Variants in NOL9 observed in about 807,000 individuals in gnomAD.
The protein encoded by NOL9 is polynucleotide 5'-hydroxyl-kinase NOL9.
Under a neutral mutation model 67.9 loss-of-function variants are expected in NOL9, and 28 were observed. That is an observed-to-expected ratio of 0.41 (90% CI 0.31 to 0.57). The LOEUF (loss-of-function observed/expected upper bound fraction) is 0.57. Ranked by LOEUF, NOL9 falls within the 20% of genes least tolerant of loss-of-function variation. The pLI is 0.25. For missense variants in NOL9, 777 were observed against 897.0 expected (o/e 0.87, Z 1.71); for synonymous variants, 356 against 352.2 (o/e 1.01, Z -0.12).
chr1:6,549,368 G>A, intron 3 of NOL9: 1 of 493,274 alleles, frequency 2.0e-6, no homozygotes, highest in Non-Finnish European at 3.5e-6. Flanking sequence ...TGGTGGCTCA[G>A]GTATGAAACT....
At chr1:6,538,366 T>C (rs527487836) in intron 6 of NOL9, among the ~76,000 whole-genome samples, 2 of 151,946 alleles carry the variant, frequency 1.3e-5, no homozygotes, top group Non-Finnish European at 2.9e-5. Context: ...AAAGTAACAA[T>C]CCAATTCAAA....
chr1:6,541,581 A>G (rs997517128), intron 6 of NOL9, among the ~76,000 whole-genome samples: 12 of 152,228 alleles, frequency 7.9e-5, no homozygotes, highest in African/African-American at 2.7e-4. Context: ...ACATAAAACA[A>G]AATAATTTTT....
intron 10 of NOL9, among the ~76,000 whole-genome samples, chr1:6,527,140 G>A (rs1325568111): frequency 6.6e-6 from 1 of 151,868 alleles, no homozygotes; most frequent in Admixed American, 6.6e-5. Flanking sequence ...CCAGCTACTC[G>A]GGAGGCCGAG....
rs1173490382 is a variant in NOL9 at position 6,523,772 on chromosome 1, T to C, written c.*2082A>G. On this transcript the variant is annotated 3_prime_UTR_variant, in exon 12 of 12. Transcript: ENST00000377705. ...CTTCCTGGGCCAACTCTAGCCCCAGTACGGCCACCTGACCCACAGCTGATA... is the reference window on the plus strand; with the variant it reads ...CTTCCTGGGCCAACTCTAGCCCCAGCACGGCCACCTGACCCACAGCTGATA... 1 of 152,150 alleles carries C rather than the reference T, an allele frequency of 6.6e-6. No homozygotes were observed. Among genetic ancestry groups the C allele is most frequent in the East Asian group, 1.9e-4 (1 of 5,200 alleles). The allele number at this position is 152,150 out of a possible 1,614,324, so 9.4% of individuals were successfully genotyped here. A position where few individuals can be genotyped will look rare whatever the true frequency, so the allele number is the denominator to read the frequency against.
intron 6 of NOL9, 59 bp downstream of exon 6, chr1:6,541,771 A>T: frequency 1.0e-6 from 1 of 999,034 alleles, no homozygotes; most frequent in Non-Finnish European, 1.5e-6. Context: ...AGTTTTTGTT[A>T]GCATCATCAC....
At chr1:6,531,897 C>T (rs1570045195) in intron 9 of NOL9, 71 bp downstream of exon 9, 8 of 1,146,804 alleles carry the variant, frequency 7.0e-6, no homozygotes, top group East Asian at 2.3e-5. Context: ...GTTAGGAGAG[C>T]GCCCAGCACA....
At chr1:6,553,293 G>T (rs746680614) in intron 1 of NOL9, among the ~76,000 whole-genome samples, 23 of 152,044 alleles carry the variant, frequency 1.5e-4, no homozygotes, top group Non-Finnish European at 3.2e-4. Context: ...TCCTGCATTA[G>T]ACAGGGAATC....
Position 6,527,799 on chromosome 1 carries a change from C to T in NOL9, c.1826-970G>A, listed in dbSNP as rs369410450. Among the ~76,000 whole-genome samples, 9 of 152,192 alleles carry T rather than the reference C, an allele frequency of 5.9e-5. No homozygotes were observed. In the South Asian group the frequency reaches 1.0e-3, roughly 18 times the overall value. On this transcript the variant is annotated intron_variant, in intron 10 of 11. Transcript: ENST00000377705. ...ATACAAAATTAGCTGGGCGTGGTGG[C>T]ACATGCCTGTAATCCCAGCTACTCA...
intron 9 of NOL9, among the ~76,000 whole-genome samples, chr1:6,530,268 C>T (rs1289446824): frequency 1.3e-5 from 2 of 152,060 alleles, no homozygotes; most frequent in Non-Finnish European, 2.9e-5. Context: ...GCCTGGCTAA[C>T]ATGGTGAAAC....
At chr1:6,541,500 C>T (rs768353193) in intron 6 of NOL9, among the ~76,000 whole-genome samples, 1 of 152,070 alleles carries the variant, frequency 6.6e-6, no homozygotes, top group Non-Finnish European at 1.5e-5. Flanking sequence ...AGTATTGATT[C>T]AGTATTAATT....
At chr1:6,549,052 C>T (rs932144484) in intron 3 of NOL9, among the ~76,000 whole-genome samples, 2 of 151,800 alleles carry the variant, frequency 1.3e-5, no homozygotes, top group African/African-American at 4.8e-5. Flanking sequence ...CCACTGCACT[C>T]TAGCCTGGCA....
At chr1:6,533,687 ATTCAGCGAACACACAAATC>A (rs1639084859) in intron 6 of NOL9, among the ~76,000 whole-genome samples, 2 of 152,260 alleles carry the variant, frequency 1.3e-5, no homozygotes, top group African/African-American at 4.8e-5. Flanking sequence ...ATGGCCATTC[ATTCAGCGAACACACAAATC>A]TGCTAACTGC....
intron 6 of NOL9, among the ~76,000 whole-genome samples, chr1:6,536,896 C>T (rs1290795582): frequency 6.6e-6 from 1 of 152,018 alleles, no homozygotes; most frequent in Admixed American, 6.6e-5. Context: ...CTGCCATCTC[C>T]GTGCTTTGGG....
Position 6,529,125 on chromosome 1 carries a change from G to A in NOL9, c.1694C>T (p.Ala565Val), listed in dbSNP as rs1422591610. The A allele has an allele frequency of 6.2e-7, 1 of 1,614,006 alleles. No homozygotes were observed. The highest frequency in any genetic ancestry group is 1.3e-5 in the African/African-American group (1 of 74,904). ...TACAGCATATAGTATATGGGTAGGG[G>A]CGACATCAGAGTGGGTAATCCGGAG... is the stretch of plus-strand genomic sequence containing the variant. ...VALRITHSDVAPTHILYAVNA... is the reference protein window; with the variant it reads ...VALRITHSDVVPTHILYAVNA... Residue 565 changes from alanine (A) to valine (V), a missense_variant, in exon 10 of 12, where the codon GCC (alanine) becomes GTC (valine). Transcript: ENST00000377705.
chr1:6,545,775 G>T (rs990375754), intron 3 of NOL9, among the ~76,000 whole-genome samples: 1 of 152,004 alleles, frequency 6.6e-6, no homozygotes, highest in Non-Finnish European at 1.5e-5. Flanking sequence ...CAGGCTGGGC[G>T]CAGTGGTGCA....
intron 6 of NOL9, among the ~76,000 whole-genome samples, chr1:6,539,298 G>A (rs1394069931): frequency 2.6e-5 from 4 of 152,006 alleles, no homozygotes; most frequent in Non-Finnish European, 4.4e-5. Context: ...TCCACTCCTC[G>A]GTATACACCT....
In NOL9 at chr1:6,523,545, C is replaced by A. The variant is rs974797316; in HGVS notation, c.*2309G>T. 1 of 136,944 alleles carries A rather than the reference C, an allele frequency of 7.3e-6. No individual in the cohort carries two copies. The highest frequency in any genetic ancestry group is 1.5e-5 in the Non-Finnish European group (1 of 65,826). The allele number at this position is 136,944 out of a possible 1,614,324, so 8.5% of individuals were successfully genotyped here. A position where few individuals can be genotyped will look rare whatever the true frequency, so the allele number is the denominator to read the frequency against. On this transcript the variant is annotated 3_prime_UTR_variant, in exon 12 of 12. Transcript: ENST00000377705. ...AGTGAGCCCAGATTGCGCCACTGCA[C>A]TCCAGCCTGGGCAACAAGAGCGAAA...
At chr1:6,529,581 C>T (rs6657495) in intron 9 of NOL9, among the ~76,000 whole-genome samples, 24,527 of 150,720 alleles carry the variant, frequency 0.16, 2,329 homozygotes, top group African/African-American at 0.26. Context: ...GAGCAAGACT[C>T]GGTCTCAAAA....
Position 6,525,499 on chromosome 1 carries a change from C to A in NOL9, c.*355G>T, listed in dbSNP as rs1477551581. On this transcript the variant is annotated 3_prime_UTR_variant, in exon 12 of 12. Coordinates refer to ENST00000377705, the MANE Select transcript of NOL9 (RefSeq NM_024654.5). ...CAGGTCGGCCTTCTTCCTTCCTTCT[C>A]GGTACATTGTAATGGCCCCAGTTTC... 1.7e-5 allele frequency: 4 copies of A among 235,572 alleles called. No homozygotes were observed. The South Asian group carries it at 2.7e-4, about 16-fold the overall frequency. The allele number at this position is 235,572 out of a possible 1,614,324, so 14.6% of individuals were successfully genotyped here.
Sources: allele counts gnomAD v4.1 joint callset (sites outside exome capture counted in the v4.1 genomes callset), GRCh38; gene constraint gnomAD v4.1.1; transcripts MANE v1.5; gene names NCBI Gene and HGNC (gene_info 2026-07-23, HGNC 2026-07-21).